Variants in SSBP2 observed in about 807,000 individuals in gnomAD.
The protein encoded by SSBP2 is single-stranded DNA-binding protein 2.
A neutral mutation model predicts 61.8 loss-of-function variants in SSBP2; 17 were observed. That is an observed-to-expected ratio of 0.28 (90% CI 0.19 to 0.41). The LOEUF is 0.41. Among genes scored for constraint, SSBP2 ranks in the 10% least tolerant of loss-of-function variants. The pLI is 1.00. For synonymous variants in SSBP2, 139 were observed against 141.3 expected (o/e 0.98, Z 0.12); for missense variants, 310 against 458.7 (o/e 0.68, Z 2.96).
chr5:81,732,239 A>G (rs1040689034), intron 1 of SSBP2, among the ~76,000 whole-genome samples: 10 of 152,160 alleles, frequency 6.6e-5, no homozygotes, highest in African/African-American at 2.4e-4. Flanking sequence ...TATGAAAACT[A>G]TAATTCTCTT....
chr5:81,483,370 T>C (rs867487265), intron 6 of SSBP2, among the ~76,000 whole-genome samples: 1 of 152,178 alleles, frequency 6.6e-6, no homozygotes, highest in African/African-American at 2.4e-5. Flanking sequence ...TACCATTATA[T>C]AGTTCACTCA....
At chr5:81,640,508 G>T (rs912465798) in intron 2 of SSBP2, among the ~76,000 whole-genome samples, 1 of 151,840 alleles carries the variant, frequency 6.6e-6, no homozygotes, top group African/African-American at 2.4e-5. Flanking sequence ...ATCCTAAGTG[G>T]TAATACAAAT....
chr5:81,446,711 A>AT (rs1222947173), intron 12 of SSBP2, among the ~76,000 whole-genome samples, 157 bp downstream of exon 12: 2 of 152,226 alleles, frequency 1.3e-5, no homozygotes, highest in Non-Finnish European at 2.9e-5. Flanking sequence ...GATAATACTT[A>AT]TTTAAGAACA....
chr5:81,594,192 C>T (rs1561580637), intron 4 of SSBP2, among the ~76,000 whole-genome samples: 2 of 152,074 alleles, frequency 1.3e-5, no homozygotes, highest in Non-Finnish European at 2.9e-5. Flanking sequence ...GGTTGCAATC[C>T]TAGTTTCTGA....
chr5:81,687,098 G>C (rs1342192803), intron 1 of SSBP2, among the ~76,000 whole-genome samples: 1 of 152,184 alleles, frequency 6.6e-6, no homozygotes, highest in Non-Finnish European at 1.5e-5. Context: ...CAGCACTGAA[G>C]AGAGTAGAAA....
At chr5:81,594,184 T>G (rs1257103571) in intron 4 of SSBP2, among the ~76,000 whole-genome samples, 2 of 151,614 alleles carry the variant, frequency 1.3e-5, no homozygotes, top group Admixed American at 1.3e-4. Flanking sequence ...AAGGCAGGGG[T>G]TGCAATCCTA....
chr5:81,652,237 TTCCTTTAAGTGAGTTACC>T (rs368369435), intron 1 of SSBP2, among the ~76,000 whole-genome samples: 4,928 of 152,270 alleles, frequency 0.032, 208 homozygotes, highest in African/African-American at 0.11. Context: ...ATAAACCCCA[TTCCTTTAAGTGAGTTACC>T]TCCTTGTAAC....
intron 4 of SSBP2, among the ~76,000 whole-genome samples, chr5:81,574,880 A>G (rs1448801068): frequency 6.6e-6 from 1 of 152,176 alleles, no homozygotes. Context: ...ATTTTTTCCC[A>G]ACAAACAAAA....
At chr5:81,527,918 AG>A (rs1456420051) in intron 4 of SSBP2, among the ~76,000 whole-genome samples, 4 of 150,592 alleles carry the variant, frequency 2.7e-5, no homozygotes, top group Non-Finnish European at 4.4e-5. Flanking sequence ...AAAAAAAAAA[AG>A]TGTTCTAATT....
At chr5:81,431,517 T>G (rs547348853) in intron 15 of SSBP2, among the ~76,000 whole-genome samples, 1 of 152,036 alleles carries the variant, frequency 6.6e-6, no homozygotes, top group South Asian at 2.1e-4. Flanking sequence ...AAACACAATT[T>G]CCTCTGGCTG....
chr5:81,724,628 A>T (rs1391333405), intron 1 of SSBP2, among the ~76,000 whole-genome samples: 1 of 152,100 alleles, frequency 6.6e-6, no homozygotes, highest in African/African-American at 2.4e-5. Context: ...CACAGCCTAT[A>T]CAAAGGTAAA....
intron 6 of SSBP2, among the ~76,000 whole-genome samples, chr5:81,479,175 C>A (rs935073210): frequency 6.6e-6 from 1 of 152,106 alleles, no homozygotes; most frequent in Non-Finnish European, 1.5e-5. Flanking sequence ...ATTCTTTAAA[C>A]CTTTAATATC....
chr5:81,440,843 T>C (rs1329259240), intron 13 of SSBP2, among the ~76,000 whole-genome samples: 5 of 152,236 alleles, frequency 3.3e-5, no homozygotes, highest in Non-Finnish European at 7.3e-5. Context: ...ATGTTCCACA[T>C]ATAGATGTTT....
At chr5:81,461,297 C>T (rs897880661) in intron 9 of SSBP2, among the ~76,000 whole-genome samples, 194 bp from the exon 10 acceptor site, 3 of 151,818 alleles carry the variant, frequency 2.0e-5, no homozygotes, top group African/African-American at 7.3e-5. Flanking sequence ...AAGTTTTCTT[C>T]CCAAATTGAA....
intron 6 of SSBP2, among the ~76,000 whole-genome samples, chr5:81,475,839 G>A (rs1444702545): frequency 6.6e-6 from 1 of 151,986 alleles, no homozygotes; most frequent in South Asian, 2.1e-4. Context: ...TTGTGTGTGT[G>A]TATGTATACA....
At chr5:81,679,315 TCTTA>T (rs1752216931) in intron 1 of SSBP2, among the ~76,000 whole-genome samples, 1 of 152,236 alleles carries the variant, frequency 6.6e-6, no homozygotes, top group African/African-American at 2.4e-5. Flanking sequence ...AGACTACTTT[TCTTA>T]TTCTTCATTG....
rs189741090 is a variant in SSBP2, at chr5:81,643,625, T to C, written c.135+6642A>G. 5.2e-3 allele frequency among the ~76,000 whole-genome samples: 600 copies of C among 115,868 alleles called. 7 individuals are homozygous for C. The highest frequency in any genetic ancestry group is 0.021 in the African/African-American group (586 of 27,948). 76.0% of individuals were successfully genotyped at this position (115,868 alleles called of 152,430 possible). A position where few individuals can be genotyped will look rare whatever the true frequency, so the allele number is the denominator to read the frequency against. ...TTTTTTTTTTTTTTTTTTTTTGAGA[T>C]GGAGTCTTGCTTTGTCACCCAGGCT... is the stretch of plus-strand genomic sequence containing the variant. On this transcript the variant is annotated intron_variant, in intron 2 of 16. Coordinates refer to ENST00000320672, the MANE Select transcript of SSBP2 (RefSeq NM_012446.5).
intron 1 of SSBP2, among the ~76,000 whole-genome samples, chr5:81,661,322 G>A (rs569735501): frequency 1.3e-5 from 2 of 152,256 alleles, no homozygotes; most frequent in South Asian, 4.1e-4. Context: ...CTATGGGAAT[G>A]CAGATATCTC....
chr5:81,750,163 C>T (rs1159791462), intron 1 of SSBP2, among the ~76,000 whole-genome samples: 2 of 151,960 alleles, frequency 1.3e-5, no homozygotes, highest in African/African-American at 4.8e-5. Flanking sequence ...CCGCTCCTCG[C>T]CAACACACTT....
Sources: gnomAD v4.1 joint callset for allele counts (sites outside exome capture counted in the v4.1 genomes callset) on GRCh38, gnomAD v4.1.1 for gene constraint, MANE v1.5 for transcripts, NCBI Gene and HGNC (gene_info 2026-07-23, HGNC 2026-07-21) for gene names.